Variants in FAT3 observed in about 807,000 individuals in gnomAD.
FAT3 encodes the protein protocadherin Fat 3.
Under a neutral mutation model 310.2 loss-of-function variants are expected in FAT3, and 95 were observed. That is an observed-to-expected ratio of 0.31 (90% confidence interval 0.26 to 0.36). FAT3 has a LOEUF of 0.36. Ranked by LOEUF, FAT3 falls within the 10% of genes least tolerant of loss-of-function variation. FAT3 has a pLI of 1.00. For synonymous variants in FAT3, 2,314 were observed against 2,192.9 expected, an observed-to-expected ratio of 1.06 and a Z score of -1.54; for missense variants, 5,408 against 5,715.6, an observed-to-expected ratio of 0.95 and a Z score of 1.74.
chr11:92,442,512 G>T (rs978409836), intron 2 of FAT3, among the ~76,000 whole-genome samples: 2 of 151,970 alleles, frequency 1.3e-5, no homozygotes, highest in Admixed American at 6.6e-5. Flanking sequence ...TGCATCTATA[G>T]CCTCCCTGCT....
chr11:92,301,943 G>T (rs1488843341), intron 1 of FAT3, among the ~76,000 whole-genome samples: 1 of 152,050 alleles, frequency 6.6e-6, no homozygotes, highest in African/African-American at 2.4e-5. Flanking sequence ...GAATGTCCCA[G>T]AATTCTACTG....
At chr11:92,556,870 G>A (rs574472015) in intron 3 of FAT3, among the ~76,000 whole-genome samples, 138 of 152,050 alleles carry the variant, frequency 9.1e-4, no homozygotes, top group African/African-American at 3.2e-3. Context: ...AAAATGTAAC[G>A]TACCATTTAC....
At chr11:92,318,387 G>A (rs1281684425) in intron 1 of FAT3, among the ~76,000 whole-genome samples, 2 of 152,128 alleles carry the variant, frequency 1.3e-5, no homozygotes, top group Non-Finnish European at 2.9e-5. Context: ...ATACAGTTCT[G>A]GGGGTTAGCA....
At chr11:92,611,824 A>G (rs571827918) in intron 3 of FAT3, among the ~76,000 whole-genome samples, 19 of 152,356 alleles carry the variant, frequency 1.2e-4, no homozygotes, top group Admixed American at 3.3e-4. Context: ...CCAAACATCT[A>G]TACAACTTAT....
chr11:92,267,956 A>G (rs1335203323), intron 1 of FAT3, among the ~76,000 whole-genome samples: 1 of 151,938 alleles, frequency 6.6e-6, no homozygotes, highest in Non-Finnish European at 1.5e-5. Flanking sequence ...TGCACAAATT[A>G]CTGAAAATTG....
At chr11:92,445,206 G>A (rs1279917470) in intron 2 of FAT3, among the ~76,000 whole-genome samples, 2 of 152,160 alleles carry the variant, frequency 1.3e-5, no homozygotes, top group African/African-American at 2.4e-5. Context: ...GGCAGCCTAA[G>A]CAAACTAATA....
At chr11:92,384,126 C>T (rs1428014043) in intron 2 of FAT3, among the ~76,000 whole-genome samples, 4 of 152,126 alleles carry the variant, frequency 2.6e-5, no homozygotes. Context: ...TAGCCTCCTT[C>T]TTTGTGTGAT....
chr11:92,660,530 C>T (rs574582590), intron 3 of FAT3, among the ~76,000 whole-genome samples: 2 of 152,246 alleles, frequency 1.3e-5, no homozygotes, highest in South Asian at 2.1e-4. Flanking sequence ...AAACAGTCAT[C>T]CTAGGTCCAG....
At chr11:92,303,778 G>T (rs1217148672) in intron 1 of FAT3, among the ~76,000 whole-genome samples, 1 of 152,136 alleles carries the variant, frequency 6.6e-6, no homozygotes, top group Admixed American at 6.5e-5. Context: ...TATAAAAGAG[G>T]TGGGTTAGAT....
chr11:92,377,760 G>A (rs573212636), intron 2 of FAT3, among the ~76,000 whole-genome samples: 3 of 152,226 alleles, frequency 2.0e-5, no homozygotes, highest in Admixed American at 6.5e-5. Flanking sequence ...TATGATCACT[G>A]CTCAGTAGGT....
At position 92,331,531 on chromosome 11, in the gene FAT3, C is replaced by T. The variant is rs562408986; in HGVS notation, c.-17-20565C>T. On this transcript the variant is annotated intron_variant, in intron 1 of 27. Coordinates refer to ENST00000525166, the MANE Select transcript of FAT3 (RefSeq NM_001367949.2). The stretch of plus-strand genomic sequence containing the variant: ...AACCCCTTCTTATTAAAGTGTCTGT[C>T]ATGGGTGTTTTGGAAGCAGCTGACC... Among the ~76,000 whole-genome samples the T allele has an allele frequency of 1.1e-4, 16 of 152,224 alleles. 1 individual carries two copies. In the East Asian group the frequency reaches 3.1e-3, roughly 29 times the overall value.
chr11:92,830,599 G>GAACTGCAGCCTCTTCTATCT (rs1195886935), intron 13 of FAT3, among the ~76,000 whole-genome samples: 1 of 152,020 alleles, frequency 6.6e-6, no homozygotes, highest in Admixed American at 6.5e-5. Flanking sequence ...CCTCTCCTCT[G>GAACTGCAGCCTCTTCTATCT]AACTGCAGCC....
chr11:92,561,170 A>G (rs1009685457), intron 3 of FAT3, among the ~76,000 whole-genome samples: 2 of 152,038 alleles, frequency 1.3e-5, no homozygotes, highest in Non-Finnish European at 2.9e-5. Flanking sequence ...TTGTCACCAC[A>G]GTACCCTAGT....
At chr11:92,469,520 ATTT>A (rs531887477) in intron 2 of FAT3, among the ~76,000 whole-genome samples, 14 of 146,642 alleles carry the variant, frequency 9.5e-5, no homozygotes, top group Non-Finnish European at 1.7e-4. Flanking sequence ...CTAATTTGTG[ATTT>A]TTTTTTTTTG....
At chr11:92,569,267 C>T (rs945749025) in intron 3 of FAT3, among the ~76,000 whole-genome samples, 2 of 152,118 alleles carry the variant, frequency 1.3e-5, no homozygotes, top group Non-Finnish European at 2.9e-5. Context: ...AGATAACAAG[C>T]GTACCTATTT....
intron 4 of FAT3, among the ~76,000 whole-genome samples, chr11:92,750,279 G>T (rs1310447919): frequency 6.6e-6 from 1 of 152,130 alleles, no homozygotes; most frequent in Non-Finnish European, 1.5e-5. Context: ...AAAATAGCTC[G>T]CAGCAATCAG....
rs764147647 is a variant in FAT3 at position 92,676,860 on chromosome 11, C to T, written c.3608-20524C>T. On this transcript the variant is annotated intron_variant, in intron 3 of 27. Transcript: ENST00000525166. ...CTTATTTGGACTCTCTCATTTATAT[C>T]CATTCTCTCAACTGGCACTTATTAA... is the stretch of plus-strand genomic sequence containing the variant. Among the ~76,000 whole-genome samples, 10 of 152,166 alleles carry T rather than the reference C, an allele frequency of 6.6e-5. 1 individual carries two copies.
At chr11:92,276,530 T>C (rs1427258225) in intron 1 of FAT3, among the ~76,000 whole-genome samples, 3 of 152,092 alleles carry the variant, frequency 2.0e-5, no homozygotes, top group African/African-American at 7.2e-5. Context: ...CTTTGGCCAA[T>C]GGAATGTTAG....
At chr11:92,309,072 C>T (rs1274095841) in intron 1 of FAT3, among the ~76,000 whole-genome samples, 4 of 152,010 alleles carry the variant, frequency 2.6e-5, no homozygotes, top group African/African-American at 7.2e-5. Context: ...CACCATGTCC[C>T]GATTGCTGAT....
Sources: gnomAD v4.1 joint callset for allele counts (sites outside exome capture counted in the v4.1 genomes callset) on GRCh38, gnomAD v4.1.1 for gene constraint, MANE v1.5 for transcripts, NCBI Gene and HGNC (gene_info 2026-07-23, HGNC 2026-07-21) for gene names.